The following ASH1L variants were observed in gnomAD, a reference collection of about 807,000 sequenced individuals.
ASH1L encodes ASH1 like histone lysine methyltransferase.
In ASH1L, 23 loss-of-function variants were observed where a neutral mutation model predicts 269.0. That is an observed-to-expected ratio of 0.09 (90% CI 0.06 to 0.12). The LOEUF (loss-of-function observed/expected upper bound fraction) is 0.12, where lower values mean the gene tolerates loss of function less well. Ranked by LOEUF, ASH1L falls within the 10% of genes least tolerant of loss-of-function variation. ASH1L has a pLI of 1.00. For missense variants in ASH1L, 2,912 were observed against 3,567.8 expected, an observed-to-expected ratio of 0.82 and a Z score of 4.68; for synonymous variants, 1,187 against 1,253.5, an observed-to-expected ratio of 0.95 and a Z score of 1.12.
intron 7 of ASH1L, among the ~76,000 whole-genome samples, chr1:155,391,749 G>A (rs1657946284): frequency 6.6e-6 from 1 of 152,110 alleles, no homozygotes; most frequent in Non-Finnish European, 1.5e-5. Context: ...GAACTCAAGA[G>A]TTTGAGACTA....
intron 4 of ASH1L, among the ~76,000 whole-genome samples, chr1:155,440,001 T>A (rs1451140058): frequency 6.6e-6 from 1 of 151,986 alleles, no homozygotes; most frequent in East Asian, 1.9e-4. Context: ...TAGACCCTTG[T>A]CTCAATTTGA....
chr1:155,510,411 C>CAA lies in ASH1L; in HGVS notation c.420+10687_420+10688dup, dbSNP rs1161549080. Among the ~76,000 whole-genome samples the CAA allele has an allele frequency of 3.6e-3, 146 of 40,866 alleles. 2 individuals are homozygous for CAA. Among genetic ancestry groups the CAA allele is most frequent in the Non-Finnish European group, 4.6e-3 (79 of 17,198 alleles). 26.8% of individuals were successfully genotyped at this position (40,866 alleles called of 152,430 possible). On this transcript the variant is annotated intron_variant, in intron 2 of 27. Transcript: ENST00000392403. The stretch of plus-strand genomic sequence containing the variant: ...CCTGGACGACAGAGCAAGGCTGCCT[C>CAA]AAAAAAAAAAAAAAAAAAAAAAAAA...
At chr1:155,543,897 G>T (rs1670617456) in intron 1 of ASH1L, among the ~76,000 whole-genome samples, 2 of 151,908 alleles carry the variant, frequency 1.3e-5, no homozygotes, top group South Asian at 4.2e-4. Flanking sequence ...TCATGATGGT[G>T]TCACTGCACT....
At chr1:155,516,627 T>A (rs1003355730) in intron 2 of ASH1L, among the ~76,000 whole-genome samples, 2 of 151,990 alleles carry the variant, frequency 1.3e-5, no homozygotes, top group African/African-American at 4.8e-5. Context: ...ACCCCATCTC[T>A]ACAAAAATAA....
chr1:155,520,448 G>A (rs1261528313), intron 2 of ASH1L: 2 of 150,236 alleles, frequency 1.3e-5, no homozygotes, highest in African/African-American at 4.9e-5. Context: ...AAAAATCACT[G>A]AATTTAAATG....
intron 5 of ASH1L, chr1:155,433,192 C>G (rs1355480184): frequency 1.3e-6 from 2 of 1,539,408 alleles, no homozygotes; most frequent in Admixed American, 4.1e-5. Flanking sequence ...GGCGGGACAC[C>G]TGGCTTCGGA....
chr1:155,531,450 G>A (rs1057292538), intron 1 of ASH1L, among the ~76,000 whole-genome samples: 3 of 151,472 alleles, frequency 2.0e-5, no homozygotes, highest in Admixed American at 6.6e-5. Context: ...TCCGCCTCCC[G>A]GGTTCAAGCA....
rs140160053 is a variant in ASH1L at position 155,520,705 on chromosome 1, A to G, written c.420+395T>C. ...TGGTGAAACCCCGTCTCTACTAAAAACACAAAATTAGCTCGGTGTGGTGGT... is the reference window on the plus strand; with the variant it reads ...TGGTGAAACCCCGTCTCTACTAAAAGCACAAAATTAGCTCGGTGTGGTGGT... On this transcript the variant is annotated intron_variant, in intron 2 of 27. Transcript: ENST00000392403. Among the ~76,000 whole-genome samples the G allele has an allele frequency of 2.9e-3, 440 of 151,790 alleles. 5 individuals carry two copies. The highest frequency in any genetic ancestry group is 0.01 in the African/African-American group (428 of 41,394).
At chr1:155,519,327 T>A (rs553469907) in intron 2 of ASH1L, among the ~76,000 whole-genome samples, 6 of 152,030 alleles carry the variant, frequency 3.9e-5, no homozygotes, top group Non-Finnish European at 8.8e-5. Context: ...TCCCAGCTAC[T>A]CAAGAGGCTG....
chr1:155,540,595 C>A (rs867656212), intron 1 of ASH1L, among the ~76,000 whole-genome samples: 13 of 152,198 alleles, frequency 8.5e-5, no homozygotes, highest in Middle Eastern at 6.8e-3. Context: ...ACAGCAAAAC[C>A]CCATCTCTAC....
In ASH1L at chr1:155,343,280, C is replaced by T. The variant is rs781782027; in HGVS notation, c.8293+34G>A. 8 of 1,588,328 alleles carry T rather than the reference C, an allele frequency of 5.0e-6. No homozygotes were observed. The highest frequency in any genetic ancestry group is 3.4e-4 in the Middle Eastern group (2 of 5,942). Reference sequence around the variant, plus strand: ...ATCAGCGTGAGCCACTGCACTTGGCCGAGGTCATTTTTTAACTAGCCCAGA... The same window carrying T: ...ATCAGCGTGAGCCACTGCACTTGGCTGAGGTCATTTTTTAACTAGCCCAGA... On this transcript the variant is annotated intron_variant, in intron 24 of 27. Coordinates refer to ENST00000392403, the MANE Select transcript of ASH1L (RefSeq NM_018489.3). The surrounding 1 kb of genome is among the most constrained non-coding windows in gnomAD (Gnocchi z 6.1).
intron 6 of ASH1L, among the ~76,000 whole-genome samples, chr1:155,400,267 G>C (rs1033885268): frequency 2.6e-5 from 4 of 151,934 alleles, no homozygotes; most frequent in Non-Finnish European, 5.9e-5. Flanking sequence ...AGGAGGCAGA[G>C]GTTGTAGTGA....
chr1:155,513,143 A>C (rs567306532), intron 2 of ASH1L, among the ~76,000 whole-genome samples: 2 of 152,152 alleles, frequency 1.3e-5, no homozygotes, highest in Non-Finnish European at 2.9e-5. Context: ...ATAATTTTTT[A>C]AAAATACAGA....
chr1:155,360,511 T>C, intron 12 of ASH1L, 102 bp from the exon 13 acceptor site: 2 of 676,516 alleles, frequency 3.0e-6, no homozygotes, highest in Non-Finnish European at 5.1e-6. Context: ...TGGTGCGATC[T>C]TGGCTCACCG....
At chr1:155,509,388 A>C (rs79308117) in intron 2 of ASH1L, among the ~76,000 whole-genome samples, 1,548 of 152,348 alleles carry the variant, frequency 0.01, 27 homozygotes, top group African/African-American at 0.035. Flanking sequence ...AAATGTAAAT[A>C]AACAGAAACA....
intron 3 of ASH1L, among the ~76,000 whole-genome samples, chr1:155,461,946 G>T (rs1005968362): frequency 4.0e-5 from 6 of 151,730 alleles, no homozygotes; most frequent in Admixed American, 6.6e-5. Context: ...TTACAGGCAT[G>T]GGCCACCATG....
rs201876504 is a variant in ASH1L, at chr1:155,477,943, G to A, written c.4927C>T (p.Arg1643Trp). Residue 1643 changes from arginine to tryptophan, a missense_variant, in exon 3 of 28, where the codon CGG becomes TGG. Physicochemically the swap from Arg to Trp is moderately radical, Grantham distance 101. Transcript: ENST00000392403. The part of the protein sequence containing the change: ...LFSAQDTSLN[R>W]LHRKESLPSN... ...GGCAGTGACTCCTTTCTGTGAAGCC[G>A]ATTTAGTGAAGTGTCCTGTGCAGAA... 1.5e-5 allele frequency: 25 copies of A among 1,613,996 alleles called. No homozygotes were observed. The highest frequency in any genetic ancestry group is 2.7e-5 in the African/African-American group (2 of 74,926).
chr1:155,542,190 G>A (rs1459041947), intron 1 of ASH1L, among the ~76,000 whole-genome samples: 1 of 152,014 alleles, frequency 6.6e-6, no homozygotes, highest in Non-Finnish European at 1.5e-5. Context: ...CAATCTTTAG[G>A]GAATTCTAAA....
At chr1:155,433,838 A>T (rs766254256) in intron 5 of ASH1L, 3 of 1,606,874 alleles carry the variant, frequency 1.9e-6, no homozygotes, top group Non-Finnish European at 2.5e-6. Context: ...TCTTCAGGAG[A>T]CATGCAAAGC....
Sources: gnomAD v4.1 joint callset for allele counts (sites outside exome capture counted in the v4.1 genomes callset) on GRCh38, gnomAD v4.1.1 for gene constraint, Gnocchi (gnomAD v3.1) non-coding constraint, MANE v1.5 for transcripts, NCBI Gene and HGNC (gene_info 2026-07-23, HGNC 2026-07-21) for gene names.